DHX57: variants seen among roughly 807,000 people sequenced by gnomAD.
The protein encoded by DHX57 is putative ATP-dependent RNA helicase DHX57.
In DHX57, 105 loss-of-function variants were observed where a neutral mutation model predicts 156.2. That is an observed-to-expected ratio of 0.67 (90% CI 0.57 to 0.79). The LOEUF (loss-of-function observed/expected upper bound fraction) is 0.79. DHX57 is among the 30% of genes least tolerant of loss of function. The pLI is 0.00. For synonymous variants in DHX57, 704 were observed against 595.6 expected, an observed-to-expected ratio of 1.18 and a Z score of -2.65; for missense variants, 1,847 against 1,661.9, an observed-to-expected ratio of 1.11 and a Z score of -1.94.
chr2:38,805,313 A>T (rs1274964231), intron 22 of DHX57, among the ~76,000 whole-genome samples: 12 of 152,232 alleles, frequency 7.9e-5, no homozygotes, highest in Non-Finnish European at 1.6e-4. Context: ...AGGATAGAGC[A>T]GCCTGAATGT....
In DHX57 at chr2:38,837,868, T is replaced by C. The variant is rs771532269; in HGVS notation, c.2505A>G (p.Leu835=). 12 of 1,613,196 alleles carry C rather than the reference T, an allele frequency of 7.4e-6. No homozygotes were observed. Among genetic ancestry groups the C allele is most frequent in the Admixed American group, 1.7e-5 (1 of 60,004 alleles). The change falls in exon 13 of 24, where the codon TTA becomes TTG. Residue 835 remains leucine (L), a synonymous_variant. Transcript: ENST00000457308. The part of the protein sequence containing the change: ...KVNLELIEAL[L]EWIVDGKHSY... ...AGTGCTTTCCATCCACAATCCACTC[T>C]AATAAGGCCTCTATTAATTCAAGAT...
chr2:38,838,952 G>C (rs1671833314), intron 12 of DHX57, among the ~76,000 whole-genome samples: 1 of 151,718 alleles, frequency 6.6e-6, no homozygotes, highest in Non-Finnish European at 1.5e-5. Flanking sequence ...TTATTTTTGA[G>C]ACAGAGTCTT....
intron 1 of DHX57, among the ~76,000 whole-genome samples, chr2:38,869,591 T>C (rs3099939): frequency 0.98 from 149,877 of 152,338 alleles, 73,775 homozygotes; most frequent in Middle Eastern, 1. Flanking sequence ...TGGGCATACC[T>C]AAAGCTGTAC....
At chr2:38,803,550 T>C (rs1353599606) in intron 22 of DHX57, among the ~76,000 whole-genome samples, 1 of 151,522 alleles carries the variant, frequency 6.6e-6, no homozygotes, top group Admixed American at 6.6e-5. Context: ...TGCAATGGTG[T>C]GATCTCGGCT....
intron 21 of DHX57, chr2:38,811,404 G>C: frequency 1.8e-6 from 1 of 571,378 alleles, no homozygotes; most frequent in Non-Finnish European, 3.4e-6. Context: ...GGAAGAGAGG[G>C]GCCCAGGAGG....
chr2:38,857,852 C>A (rs1269209357), intron 6 of DHX57, among the ~76,000 whole-genome samples: 1 of 152,044 alleles, frequency 6.6e-6, no homozygotes, highest in African/African-American at 2.4e-5. Context: ...GGTAAAAGTC[C>A]TTCCTTATCC....
rs749395997 is a variant in DHX57, at chr2:38,868,145, C to G, written c.224+37G>C. 5.6e-6 allele frequency: 9 copies of G among 1,606,360 alleles called. No individual in the cohort carries two copies. The South Asian group carries it at 6.6e-5, about 12-fold the overall frequency. On this transcript the variant is annotated intron_variant, in intron 2 of 23. Transcript: ENST00000457308. ...TGTCCCATACATTAGGGGTTGATAC[C>G]ATTTCCATATTTAAACATTCAAAGA...
chr2:38,851,968 A>T (rs6751387), intron 9 of DHX57, among the ~76,000 whole-genome samples: 4 of 152,146 alleles, frequency 2.6e-5, no homozygotes, highest in Admixed American at 2.0e-4. Context: ...AGTTTCTACA[A>T]AAAGATTATT....
rs778939120 is a variant in DHX57, at chr2:38,861,689, A to G, written c.721T>C (p.Leu241=). 5.6e-6 allele frequency: 9 copies of G among 1,613,970 alleles called. No homozygotes were observed. In the East Asian group the frequency reaches 1.3e-4, roughly 24 times the overall value. ...TGTCGCTGTTCCATACACTCATCCA[A>G]GCTTATCTGGTTGACTGCCTCAGAG... is the stretch of plus-strand genomic sequence containing the variant. ...KISEAVNQIS[L]DECMEQRQEE... is the part of the protein sequence containing the mutation. Residue 241 remains leucine (L), a synonymous_variant, in exon 5 of 24, where the codon TTG becomes CTG. Transcript: ENST00000457308.
At chr2:38,818,709 A>T (rs1272925469) in intron 19 of DHX57, among the ~76,000 whole-genome samples, 168 bp downstream of exon 19, 2 of 152,214 alleles carry the variant, frequency 1.3e-5, no homozygotes, top group African/African-American at 4.8e-5. Context: ...CAGCACAGAA[A>T]GCCTGATGCC....
intron 6 of DHX57, among the ~76,000 whole-genome samples, chr2:38,858,245 A>G (rs1243403364): frequency 6.6e-6 from 1 of 152,162 alleles, no homozygotes; most frequent in African/African-American, 2.4e-5. Context: ...TATTTTTAGT[A>G]GAGACAGGGT....
chr2:38,868,052 A>G, intron 2 of DHX57, 130 bp downstream of exon 2: 1 of 1,170,666 alleles, frequency 8.5e-7, no homozygotes, highest in Non-Finnish European at 1.2e-6. Context: ...GTCTTCAGAA[A>G]AGGGTTACAA....
chr2:38,822,403 TG>T (rs1340881352), intron 17 of DHX57, among the ~76,000 whole-genome samples: 1 of 150,500 alleles, frequency 6.6e-6, no homozygotes, highest in Admixed American at 6.6e-5. Flanking sequence ...TAATATTAGT[TG>T]TTTTTTTTTT....
Position 38,815,728 on chromosome 2 carries a change from A to G in DHX57, c.3472-73T>C, listed in dbSNP as rs186052056. Reference sequence around the variant, plus strand: ...GTGTTAAGTCTTACAAAAATGAGTGATTATAAAAATGCATTATTTCAGGGG... The same window carrying G: ...GTGTTAAGTCTTACAAAAATGAGTGGTTATAAAAATGCATTATTTCAGGGG... On this transcript the variant is annotated intron_variant, in intron 19 of 23. Transcript: ENST00000457308. 1.9e-6 allele frequency: 3 copies of G among 1,585,500 alleles called. No homozygotes were observed. The East Asian group carries it at 6.7e-5, about 36-fold the overall frequency.
intron 14 of DHX57, among the ~76,000 whole-genome samples, chr2:38,827,902 G>C (rs1671185664): frequency 6.6e-6 from 1 of 152,068 alleles, no homozygotes; most frequent in African/African-American, 2.4e-5. Context: ...TGTTGCCCGG[G>C]CTGGAGCGCA....
chr2:38,863,411 C>T lies in DHX57; in HGVS notation c.333G>A (p.Val111=). The T allele has an allele frequency of 6.2e-7, 1 of 1,613,976 alleles. No homozygotes were observed. The highest frequency in any genetic ancestry group is 2.2e-5 in the East Asian group (1 of 44,876). The change falls in exon 3 of 24, where the codon GTG becomes GTA. Residue 111 remains valine, a synonymous_variant. Coordinates refer to ENST00000457308, the MANE Select transcript of DHX57 (RefSeq NM_198963.3). ...CTTGCAGGTCTCGGAGAAGAGCTTT[C>T]ACTTTCTCTTGATTCTCAGAAGTCA... The part of the protein sequence containing the change: ...LHMTSENQEK[V]KALLRDLQEQ...
intron 14 of DHX57, among the ~76,000 whole-genome samples, chr2:38,827,102 G>C (rs1010511220): frequency 9.9e-5 from 15 of 151,892 alleles, no homozygotes; most frequent in African/African-American, 3.6e-4. Flanking sequence ...TTGCACTTCA[G>C]CTTGGGCGAC....
In DHX57 at chr2:38,866,145, A is replaced by G. The variant is rs569182017; in HGVS notation, c.224+2037T>C. On this transcript the variant is annotated intron_variant, in intron 2 of 23. Coordinates refer to ENST00000457308, the MANE Select transcript of DHX57 (RefSeq NM_198963.3). The stretch of plus-strand genomic sequence containing the variant: ...ACACTGAATAGAAACAACTCTGGCC[A>G]GACTGACTGATAATATCACACACCC... Among the ~76,000 whole-genome samples, 4 of 152,330 alleles carry G rather than the reference A, an allele frequency of 2.6e-5. No individual in the cohort carries two copies. The South Asian group carries it at 8.3e-4, about 32-fold the overall frequency.
chr2:38,861,936 C>A, intron 4 of DHX57, 99 bp from the exon 5 acceptor site: 1 of 1,329,496 alleles, frequency 7.5e-7, no homozygotes. Context: ...GTTATGACTA[C>A]ACATAGGCAG....
Sources: allele counts gnomAD v4.1 joint callset (sites outside exome capture counted in the v4.1 genomes callset), GRCh38; gene constraint gnomAD v4.1.1; transcripts MANE v1.5; gene names NCBI Gene and HGNC (gene_info 2026-07-23, HGNC 2026-07-21).